The following AHRR variants were observed in gnomAD, a reference collection of about 807,000 sequenced individuals.
AHRR encodes ahR repressor.
A neutral mutation model predicts 44.0 loss-of-function variants in AHRR; 28 were observed. The ratio of observed to expected loss-of-function variants is 0.64; its 90% confidence interval spans 0.47 to 0.87. AHRR has a LOEUF of 0.87. Ranked by LOEUF, AHRR falls within the 40% of genes least tolerant of loss-of-function variation. The probability of loss-of-function intolerance (pLI) is 0.00; values close to 1 mark genes in which losing one functional copy is unlikely to be tolerated. For missense variants in AHRR, 990 were observed against 953.9 expected (o/e 1.04, Z -0.50); for synonymous variants, 434 against 407.0 (o/e 1.07, Z -0.80).
chr5:328,477 C>T (rs570558216), intron 1 of AHRR, among the ~76,000 whole-genome samples: 1 of 152,046 alleles, frequency 6.6e-6, no homozygotes, highest in South Asian at 2.1e-4. Flanking sequence ...TCTCCAACCC[C>T]TGACCTCAAG....
At position 422,714 on chromosome 5, in the gene AHRR, G is replaced by A. The variant is rs148057315; in HGVS notation, c.442-15G>A. 1.2e-6 allele frequency: 2 copies of A among 1,614,180 alleles called. No homozygotes were observed. Among genetic ancestry groups the A allele is most frequent in the East Asian group, 4.5e-5 (2 of 44,890 alleles). On this transcript the variant is annotated splice_polypyrimidine_tract_variant and intron_variant, in intron 5 of 10. Coordinates refer to ENST00000684583, the MANE Select transcript of AHRR (RefSeq NM_001377236.1). ...CTTGGGGTAAGGCTGAAATAATCTT[G>A]TTGCGCTATTTCAGACGGATGTAAT...
At chr5:354,564 C>T (rs1281096458) in intron 3 of AHRR, among the ~76,000 whole-genome samples, 4 of 152,190 alleles carry the variant, frequency 2.6e-5, no homozygotes, top group African/African-American at 9.6e-5. Flanking sequence ...TATTGCTGCC[C>T]TGGGAGCTGG....
In AHRR at chr5:326,556, G is replaced by A. The variant is rs1741720239; in HGVS notation, c.-11+4737G>A. 6.6e-6 allele frequency among the ~76,000 whole-genome samples: 1 copy of A among 152,180 alleles called. No individual in the cohort carries two copies. Among genetic ancestry groups the A allele is most frequent in the African/African-American group, 2.4e-5 (1 of 41,440 alleles). ...AATTATGATGGGCATTTGTATGCAG[G>A]TTTCTGTTAGAACAAATGCTTTTAC... is the stretch of plus-strand genomic sequence containing the variant. On this transcript the variant is annotated intron_variant, in intron 1 of 10. Coordinates refer to ENST00000684583, the MANE Select transcript of AHRR (RefSeq NM_001377236.1). The surrounding 1 kb of genome is among the most constrained non-coding windows in gnomAD (Gnocchi z 4.1).
chr5:425,480 G>A (rs1736342742), intron 7 of AHRR, among the ~76,000 whole-genome samples: 2 of 152,150 alleles, frequency 1.3e-5, no homozygotes, highest in Admixed American at 1.3e-4. Context: ...ACCACGCCCG[G>A]CTAATTTTTT....
chr5:398,969 G>A (rs1314246934), intron 4 of AHRR, among the ~76,000 whole-genome samples: 7 of 152,232 alleles, frequency 4.6e-5, no homozygotes, highest in Non-Finnish European at 1.0e-4. Flanking sequence ...CATTCCTCTC[G>A]AGGACCAAGC....
At chr5:333,969 T>C (rs1373295102) in intron 1 of AHRR, among the ~76,000 whole-genome samples, 1 of 152,200 alleles carries the variant, frequency 6.6e-6, no homozygotes, top group East Asian at 1.9e-4. Flanking sequence ...CTCCTTCATT[T>C]ATGAAGGTTA....
At chr5:353,304 A>G (rs1251647353) in intron 2 of AHRR, among the ~76,000 whole-genome samples, 1 of 152,202 alleles carries the variant, frequency 6.6e-6, no homozygotes, top group East Asian at 1.9e-4. Flanking sequence ...TTTTGTTTAG[A>G]CACCGAGGAG....
At chr5:422,347 G>A (rs556408593) in intron 5 of AHRR, 18 of 308,588 alleles carry the variant, frequency 5.8e-5, no homozygotes, top group African/African-American at 4.0e-4. Flanking sequence ...CAGGAAGAAG[G>A]AAATCACAGG....
chr5:407,741 G>A (rs1192680641), intron 4 of AHRR, among the ~76,000 whole-genome samples: 1 of 152,180 alleles, frequency 6.6e-6, no homozygotes, highest in African/African-American at 2.4e-5. Context: ...GTTTCACCAT[G>A]TTGGCCAGGC....
At chr5:391,347 AGGGCGAGGCAGGGCCAGAGCGTGCAT>A (rs1734421687) in intron 4 of AHRR, among the ~76,000 whole-genome samples, 1 of 127,574 alleles carries the variant, frequency 7.8e-6, no homozygotes. Flanking sequence ...AGGCGGGCGC[AGGGCGAGGCAGGGCCAGAGCGTGCAT>A]GGGCGCAGGG....
chr5:343,846 G>A (rs1742458126), intron 1 of AHRR, 47 bp from the exon 2 acceptor site: 5 of 1,558,722 alleles, frequency 3.2e-6, no homozygotes, highest in Non-Finnish European at 4.3e-6. Flanking sequence ...GCGGGAACAG[G>A]GCGCACGTGG....
At position 387,868 on chromosome 5, in the gene AHRR, C is replaced by T. The variant is rs1322068409; in HGVS notation, c.351+11152C>T. On this transcript the variant is annotated intron_variant, in intron 4 of 10. Coordinates refer to ENST00000684583, the MANE Select transcript of AHRR (RefSeq NM_001377236.1). This position sits in a 1 kb window ranked among gnomAD's most constrained non-coding sequence, Gnocchi z 5.1. ...CCTGGAGGCCAGGAGCCAAAACCAGCGCCGATGGGCTGCAAGCGAGGTGTT... is the reference window on the plus strand; with the variant it reads ...CCTGGAGGCCAGGAGCCAAAACCAGTGCCGATGGGCTGCAAGCGAGGTGTT... Among the ~76,000 whole-genome samples, 2 of 152,212 alleles carry T rather than the reference C, an allele frequency of 1.3e-5. No individual in the cohort carries two copies. Among genetic ancestry groups the T allele is most frequent in the Non-Finnish European group, 1.5e-5 (1 of 68,044 alleles).
chr5:430,590 G>A (rs529404912), intron 8 of AHRR, among the ~76,000 whole-genome samples: 13 of 152,352 alleles, frequency 8.5e-5, no homozygotes, highest in Non-Finnish European at 1.8e-4. Context: ...TGTTGTGGGC[G>A]TGAGTTCCAT....
At chr5:397,302 C>T (rs1398368474) in intron 4 of AHRR, among the ~76,000 whole-genome samples, 1 of 124,282 alleles carries the variant, frequency 8.0e-6, no homozygotes, top group Non-Finnish European at 1.7e-5. Flanking sequence ...CATGTTAGCC[C>T]CTGACCATCC....
At chr5:329,252 G>C (rs1345419267) in intron 1 of AHRR, among the ~76,000 whole-genome samples, 2 of 152,098 alleles carry the variant, frequency 1.3e-5, no homozygotes, top group Non-Finnish European at 2.9e-5. Flanking sequence ...ACCCAGGCTA[G>C]AGTGCATTGG....
chr5:422,233 A>G (rs770217434), intron 5 of AHRR: 5 of 179,066 alleles, frequency 2.8e-5, no homozygotes, highest in Non-Finnish European at 6.0e-5. Flanking sequence ...CAGGGCCCAG[A>G]TTAGCTTCTG....
intron 5 of AHRR, among the ~76,000 whole-genome samples, chr5:417,428 A>G (rs1579692807): frequency 7.0e-6 from 1 of 142,886 alleles, no homozygotes; most frequent in East Asian, 2.2e-4. Flanking sequence ...GCAGGGCCTG[A>G]GTCTGGAGAA....
rs1235610953 is a variant in AHRR at position 326,605 on chromosome 5, G to A, written c.-11+4786G>A. The stretch of plus-strand genomic sequence containing the variant: ...ACTTCTGTTAGGTGTGTACCTAGGA[G>A]TGGAGTTACTGGATCATATAGTGAT... On this transcript the variant is annotated intron_variant, in intron 1 of 10. Coordinates refer to ENST00000684583, the MANE Select transcript of AHRR (RefSeq NM_001377236.1). The surrounding 1 kb of genome is among the most constrained non-coding windows in gnomAD (Gnocchi z 4.1). Among the ~76,000 whole-genome samples the A allele has an allele frequency of 6.6e-6, 1 of 152,204 alleles. No homozygotes were observed. Among genetic ancestry groups the A allele is most frequent in the Non-Finnish European group, 1.5e-5 (1 of 68,042 alleles).
At chr5:432,372 CATT>C (rs753099362) in intron 8 of AHRR, 88 bp from the exon 9 acceptor site, 11 of 1,275,064 alleles carry the variant, frequency 8.6e-6, no homozygotes, top group Admixed American at 5.1e-5. Flanking sequence ...CAATACCTGT[CATT>C]ATTAATTTCT....
Sources: allele counts gnomAD v4.1 joint callset (sites outside exome capture counted in the v4.1 genomes callset), GRCh38; gene constraint gnomAD v4.1.1; non-coding constraint Gnocchi (gnomAD v3.1); transcripts MANE v1.5; gene names NCBI Gene and HGNC (gene_info 2026-07-23, HGNC 2026-07-21).